Variants in TENM1 observed in about 807,000 individuals in gnomAD.
TENM1 encodes teneurin transmembrane protein 1.
TENM1 carries 35 observed loss-of-function variants against 174.8 expected under a neutral mutation model. The ratio of observed to expected loss-of-function variants is 0.20; its 90% confidence interval spans 0.15 to 0.27. TENM1 has a LOEUF of 0.27. Among genes scored for constraint, TENM1 ranks in the 10% least tolerant of loss-of-function variants. The pLI is 1.00. For synonymous variants in TENM1, 781 were observed against 798.7 expected, an observed-to-expected ratio of 0.98 and a Z score of 0.37; for missense variants, 1,633 against 2,130.1, an observed-to-expected ratio of 0.77 and a Z score of 4.59.
chrX:124,826,346 C>T (rs1603232290), intron 3 of TENM1, among the ~76,000 whole-genome samples: 1 of 108,401 alleles, frequency 9.2e-6, no homozygotes, highest in Non-Finnish European at 1.9e-5. Flanking sequence ...GATATCAAGG[C>T]TATAGTGAGC....
intron 1 of TENM1, among the ~76,000 whole-genome samples, chrX:124,958,843 A>C (rs184338212): frequency 9.0e-6 from 1 of 111,703 alleles, no homozygotes; most frequent in Admixed American, 9.5e-5. Flanking sequence ...TTCCAAATTT[A>C]TCATTATTAT....
intron 3 of TENM1, among the ~76,000 whole-genome samples, chrX:124,872,445 A>G (rs765890035): frequency 5.4e-5 from 6 of 111,831 alleles, no homozygotes; most frequent in Non-Finnish European, 1.1e-4. Flanking sequence ...CAACAAACTA[A>G]CTTTTCACTT....
At chrX:124,929,539 A>G in intron 1 of TENM1, among the ~76,000 whole-genome samples, 2 of 112,132 alleles carry the variant, frequency 1.8e-5, no homozygotes, top group South Asian at 7.5e-4. Flanking sequence ...ATAAATTGCG[A>G]TAGCTGCCAC....
the TENM1 span, among the ~76,000 whole-genome samples, chrX:125,174,992 G>A: frequency 1.4e-4 from 16 of 111,430 alleles, no homozygotes; most frequent in Admixed American, 8.6e-4. Context: ...AATGAATAGC[G>A]TAGTACTTGG....
chrX:124,598,305 A>G (rs2049952073), intron 11 of TENM1, among the ~76,000 whole-genome samples: 1 of 111,848 alleles, frequency 8.9e-6, no homozygotes, highest in Non-Finnish European at 1.9e-5. Context: ...TACAACCACT[A>G]TGGAGAACAG....
At chrX:125,098,157 A>T in the TENM1 span, among the ~76,000 whole-genome samples, 1 of 111,182 alleles carries the variant, frequency 9.0e-6, no homozygotes, top group East Asian at 2.8e-4. Context: ...CCAGCTACTC[A>T]GGAGGCTGAG....
chrX:124,598,672 G>A (rs2049961143), intron 11 of TENM1, among the ~76,000 whole-genome samples: 2 of 111,548 alleles, frequency 1.8e-5, no homozygotes, highest in African/African-American at 6.5e-5. Flanking sequence ...TCACTTATTT[G>A]TAGGAACTAA....
At chrX:124,457,741 T>C (rs1244494159) in intron 22 of TENM1, among the ~76,000 whole-genome samples, 1 of 111,787 alleles carries the variant, frequency 8.9e-6, no homozygotes, top group Non-Finnish European at 1.9e-5. Context: ...CCAAATTAGA[T>C]AACAGTGAAG....
At chrX:125,101,975 A>G in the TENM1 span, among the ~76,000 whole-genome samples, 7,867 of 111,658 alleles carry the variant, frequency 0.07, 217 homozygotes, top group Middle Eastern at 0.15. Flanking sequence ...TGTAGGTAAG[A>G]CAAGACTTAC....
intron 5 of TENM1, among the ~76,000 whole-genome samples, chrX:124,679,627 A>C (rs1001948465): frequency 8.9e-6 from 1 of 112,320 alleles, no homozygotes; most frequent in Non-Finnish European, 1.9e-5. Flanking sequence ...TACATTAAAC[A>C]TCAAATTGGC....
chrX:124,766,116 G>C (rs1271320208), intron 3 of TENM1, among the ~76,000 whole-genome samples: 2 of 111,366 alleles, frequency 1.8e-5, no homozygotes, highest in Non-Finnish European at 3.8e-5. Context: ...AGATAGACAT[G>C]GAAGGCATCA....
intron 1 of TENM1, among the ~76,000 whole-genome samples, chrX:124,927,363 A>G (rs911629212): frequency 9.0e-6 from 1 of 111,387 alleles, no homozygotes; most frequent in African/African-American, 3.3e-5. Context: ...CATAAAAACT[A>G]GCCTGTCCTG....
At chrX:124,700,027 C>T (rs1010952415) in intron 5 of TENM1, among the ~76,000 whole-genome samples, 8 of 111,842 alleles carry the variant, frequency 7.2e-5, no homozygotes, top group South Asian at 3.7e-4. Flanking sequence ...GGATTGATAA[C>T]GGTCTATAGG....
chrX:124,886,917 A>C lies in TENM1; in HGVS notation c.535+7379T>G, dbSNP rs1373667165. Among the ~76,000 whole-genome samples, 3 of 109,919 alleles carry C rather than the reference A, an allele frequency of 2.7e-5. No individual in the cohort carries two copies. The Admixed American group carries it at 2.9e-4, about 11-fold the overall frequency. ...CATAAATAGAACAAATAATAGCAAG[A>C]AGAAATACTGTATTTCATATTGCAG... On this transcript the variant is annotated intron_variant, in intron 3 of 31. Coordinates refer to ENST00000422452, the Ensembl canonical transcript of TENM1.
At chrX:124,971,854 C>T in the TENM1 span, among the ~76,000 whole-genome samples, 1 of 111,634 alleles carries the variant, frequency 9.0e-6, no homozygotes, top group Non-Finnish European at 1.9e-5. Context: ...TTTTTCTGTA[C>T]GAGTTTGCTA....
chrX:124,582,407 C>T (rs184783845), intron 11 of TENM1, among the ~76,000 whole-genome samples: 4 of 111,942 alleles, frequency 3.6e-5, no homozygotes, highest in South Asian at 3.8e-4. Flanking sequence ...TATGATTTAT[C>T]GGAGCAGTGT....
Position 124,743,139 on chromosome X carries a change from G to T in TENM1, c.536-5942C>A, listed in dbSNP as rs755889057. The stretch of plus-strand genomic sequence containing the variant: ...ATCCATTAACTTCATAGTGCTCAAT[G>T]ATCATCAAATTAGACTTAAATGTAT... On this transcript the variant is annotated intron_variant, in intron 3 of 31. Transcript: ENST00000422452. Among the ~76,000 whole-genome samples the T allele has an allele frequency of 1.9e-4, 21 of 111,435 alleles. 1 individual carries two copies. Among genetic ancestry groups the T allele is most frequent in the African/African-American group, 6.8e-4 (21 of 30,733 alleles).
chrX:124,537,089 T>A (rs1276669133), intron 15 of TENM1, among the ~76,000 whole-genome samples: 3 of 111,293 alleles, frequency 2.7e-5, no homozygotes, highest in Non-Finnish European at 5.7e-5. Flanking sequence ...CCACCATTGT[T>A]GACTTTTCCT....
intron 3 of TENM1, among the ~76,000 whole-genome samples, chrX:124,765,083 C>T (rs905279916): frequency 1.8e-5 from 2 of 111,205 alleles, no homozygotes; most frequent in Admixed American, 1.9e-4. Flanking sequence ...CTATTATGCC[C>T]CCAATACCTC....
Sources: allele counts gnomAD v4.1 joint callset (sites outside exome capture counted in the v4.1 genomes callset), GRCh38; gene constraint gnomAD v4.1.1; transcripts MANE v1.5; gene names NCBI Gene and HGNC (gene_info 2026-07-23, HGNC 2026-07-21).